Variants in EBF1 observed in about 807,000 individuals in gnomAD.
EBF1 encodes EBF transcription factor 1, also known as transcription factor COE1.
A neutral mutation model predicts 68.4 loss-of-function variants in EBF1; 10 were observed. The ratio of observed to expected loss-of-function variants is 0.15; its 90% CI spans 0.09 to 0.25. The LOEUF (loss-of-function observed/expected upper bound fraction) is 0.25. Among genes scored for constraint, EBF1 ranks in the 10% least tolerant of loss-of-function variants. The probability of loss-of-function intolerance (pLI) is 1.00; values close to 1 mark genes in which losing one functional copy is unlikely to be tolerated. For missense variants in EBF1, 509 were observed against 794.4 expected (o/e 0.64, Z 4.32); for synonymous variants, 298 against 299.8 (o/e 0.99, Z 0.06).
intron 6 of EBF1, among the ~76,000 whole-genome samples, chr5:158,921,278 T>A (rs1396266017): frequency 6.6e-6 from 1 of 150,758 alleles, no homozygotes; most frequent in Non-Finnish European, 1.5e-5. Context: ...CTTGCCTAAA[T>A]AGATGAAATC....
At chr5:158,743,236 G>A (rs1275320059) in intron 10 of EBF1, among the ~76,000 whole-genome samples, 1 of 152,164 alleles carries the variant, frequency 6.6e-6, no homozygotes, top group Non-Finnish European at 1.5e-5. Context: ...TCTGAGTTGG[G>A]TATGGAAAGA....
At chr5:158,783,055 A>T (rs1182989168) in intron 9 of EBF1, among the ~76,000 whole-genome samples, 1 of 152,212 alleles carries the variant, frequency 6.6e-6, no homozygotes, top group Admixed American at 6.5e-5. Context: ...ATTAATACTT[A>T]AAAAGTATGC....
chr5:158,876,594 A>T (rs920724645), intron 6 of EBF1, among the ~76,000 whole-genome samples: 1 of 152,190 alleles, frequency 6.6e-6, no homozygotes, highest in African/African-American at 2.4e-5. Flanking sequence ...GAAAAACAAC[A>T]TCTTTCCATA....
chr5:158,831,020 C>G lies in EBF1; in HGVS notation c.637-7703G>C, dbSNP rs1787433498. On this transcript the variant is annotated intron_variant, in intron 7 of 15. Coordinates refer to ENST00000313708, the MANE Select transcript of EBF1 (RefSeq NM_024007.5). ...GACCTTTGGAAACTAGAATTAGCTT[C>G]TGTCTCCTGAACGGTGACATATGAT... Among the ~76,000 whole-genome samples, 3 of 152,220 alleles carry G rather than the reference C, an allele frequency of 2.0e-5. No individual in the cohort carries two copies. The South Asian group carries it at 6.2e-4, about 32-fold the overall frequency.
intron 11 of EBF1, among the ~76,000 whole-genome samples, chr5:158,719,280 G>A (rs1761430836): frequency 6.6e-6 from 1 of 152,092 alleles, no homozygotes; most frequent in African/African-American, 2.4e-5. Flanking sequence ...AATGAATCAT[G>A]TCTAGTACAG....
chr5:158,995,834 C>T (rs893564872), intron 6 of EBF1, among the ~76,000 whole-genome samples: 3 of 152,178 alleles, frequency 2.0e-5, no homozygotes, highest in Non-Finnish European at 4.4e-5. Context: ...TTGCCTGAAA[C>T]GATGAGCTAA....
In EBF1 at chr5:158,707,926, AG is replaced by A. The variant is rs377411261; in HGVS notation, c.1744+52del. ...TGATGCATCTGCTTCAGGCCCTGGG[AG>A]GGTGAAGTCAGGGCATTGAATCTGG... On this transcript the variant is annotated intron_variant, in intron 15 of 15. Coordinates refer to ENST00000313708, the MANE Select transcript of EBF1 (RefSeq NM_024007.5). 1,440 of 1,522,434 alleles carry A rather than the reference AG, an allele frequency of 9.5e-4. 10 individuals are homozygous for A. In the African/African-American group the frequency reaches 0.018, roughly 19 times the overall value. 94.3% of individuals were successfully genotyped at this position (1,522,434 alleles called of 1,614,324 possible). A position where few individuals can be genotyped will look rare whatever the true frequency, so the allele number is the denominator to read the frequency against.
At chr5:158,781,731 C>T (rs1776479334) in intron 9 of EBF1, among the ~76,000 whole-genome samples, 1 of 152,210 alleles carries the variant, frequency 6.6e-6, no homozygotes, top group Non-Finnish European at 1.5e-5. Flanking sequence ...CTGGGCCCCA[C>T]TGGCTCTTCT....
intron 9 of EBF1, among the ~76,000 whole-genome samples, chr5:158,778,167 C>T (rs1775694395): frequency 6.6e-6 from 1 of 152,132 alleles, no homozygotes; most frequent in African/African-American, 2.4e-5. Flanking sequence ...GGAATGATCA[C>T]TGGTCCATTA....
At chr5:158,970,846 A>T (rs990882391) in intron 6 of EBF1, among the ~76,000 whole-genome samples, 5 of 152,220 alleles carry the variant, frequency 3.3e-5, no homozygotes, top group Admixed American at 3.3e-4. Flanking sequence ...ACTTCCAACC[A>T]TATTCCTCTC....
intron 11 of EBF1, among the ~76,000 whole-genome samples, chr5:158,720,863 C>T (rs1168355113): frequency 6.6e-6 from 1 of 152,118 alleles, no homozygotes; most frequent in South Asian, 2.1e-4. Flanking sequence ...AAATGTATAA[C>T]AATTATATTT....
chr5:159,042,656 TA>T (rs1199163663), intron 6 of EBF1, among the ~76,000 whole-genome samples: 1 of 151,838 alleles, frequency 6.6e-6, no homozygotes, highest in African/African-American at 2.4e-5. Flanking sequence ...AAAACTATAT[TA>T]AAGCTTAAAA....
chr5:159,063,500 C>T (rs1235901585), intron 6 of EBF1, among the ~76,000 whole-genome samples: 2 of 152,126 alleles, frequency 1.3e-5, no homozygotes, highest in Non-Finnish European at 2.9e-5. Context: ...CTTGCTATTA[C>T]TATTCCAACT....
At chr5:159,024,320 T>A (rs1767292093) in intron 6 of EBF1, among the ~76,000 whole-genome samples, 1 of 152,216 alleles carries the variant, frequency 6.6e-6, no homozygotes, top group Non-Finnish European at 1.5e-5. Flanking sequence ...GCTAGGACTA[T>A]AAAGTGATAG....
chr5:159,003,492 AC>A (rs1561765945), intron 6 of EBF1, among the ~76,000 whole-genome samples: 2 of 151,886 alleles, frequency 1.3e-5, no homozygotes, highest in African/African-American at 4.8e-5. Flanking sequence ...TTCTGCCACC[AC>A]TTGAAGATTT....
chr5:158,953,005 A>G (rs1816357731), intron 6 of EBF1, among the ~76,000 whole-genome samples: 1 of 150,124 alleles, frequency 6.7e-6, no homozygotes, highest in Admixed American at 6.6e-5. Flanking sequence ...TTTTTTTTTT[A>G]AGCAAGTGAG....
intron 7 of EBF1, among the ~76,000 whole-genome samples, chr5:158,831,310 G>A (rs1787509622): frequency 1.3e-5 from 2 of 152,176 alleles, no homozygotes; most frequent in South Asian, 4.1e-4. Flanking sequence ...AGATGATCCT[G>A]AATTTGATCC....
chr5:158,907,604 CTGG>C (rs1331627106), intron 6 of EBF1, among the ~76,000 whole-genome samples: 1 of 152,110 alleles, frequency 6.6e-6, no homozygotes, highest in Non-Finnish European at 1.5e-5. Context: ...CATGGGTGTC[CTGG>C]TCCCATGAAA....
At chr5:158,981,743 C>T (rs1169862058) in intron 6 of EBF1, among the ~76,000 whole-genome samples, 2 of 152,094 alleles carry the variant, frequency 1.3e-5, no homozygotes, top group African/African-American at 4.8e-5. Flanking sequence ...AAGCTCCTAA[C>T]AAAATGGCGC....
Sources: gnomAD v4.1 joint callset for allele counts (sites outside exome capture counted in the v4.1 genomes callset) on GRCh38, gnomAD v4.1.1 for gene constraint, MANE v1.5 for transcripts, NCBI Gene and HGNC (gene_info 2026-07-23, HGNC 2026-07-21) for gene names.